BPNT2: variants seen among roughly 807,000 people sequenced by gnomAD.
The protein encoded by BPNT2 is Golgi-resident adenosine 3',5'-bisphosphate 3'-phosphatase.
Under a neutral mutation model 29.3 loss-of-function variants are expected in BPNT2, and 11 were observed. That is an observed-to-expected ratio of 0.38 (90% confidence interval 0.24 to 0.62). The LOEUF (loss-of-function observed/expected upper bound fraction) is 0.62, where lower values mean the gene tolerates loss of function less well. BPNT2 is among the 20% of genes least tolerant of loss of function. BPNT2 has a pLI of 0.62. For synonymous variants in BPNT2, 195 were observed against 187.7 expected, an observed-to-expected ratio of 1.04 and a Z score of -0.32; for missense variants, 459 against 473.4, an observed-to-expected ratio of 0.97 and a Z score of 0.28.
chr8:56,967,335 A>G, intron 3 of BPNT2: 1 of 437,396 alleles, frequency 2.3e-6, no homozygotes, highest in Non-Finnish European at 4.6e-6. Flanking sequence ...CACAGCAACA[A>G]GAAGAACAAA....
intron 3 of BPNT2, among the ~76,000 whole-genome samples, chr8:56,976,091 T>C (rs1417087735): frequency 6.6e-6 from 1 of 152,154 alleles, no homozygotes; most frequent in Non-Finnish European, 1.5e-5. Flanking sequence ...AGCAATGGGA[T>C]GTGAGGTGAA....
chr8:56,966,352 G>T lies in BPNT2; in HGVS notation c.647C>A (p.Ala216Asp). The T allele has an allele frequency of 6.2e-7, 1 of 1,613,180 alleles. No individual in the cohort carries two copies. Among genetic ancestry groups the T allele is most frequent in the Non-Finnish European group, 8.5e-7 (1 of 1,179,220 alleles). ...VIHKPFSEYTAWAMVDGGSNV... is the reference protein window; with the variant it reads ...VIHKPFSEYTDWAMVDGGSNV... ...TGAACCACCATCTACCATTGCCCAA[G>T]CTGAAAAGCAAATATAATATCCATT... is the stretch of plus-strand genomic sequence containing the variant. The change falls in exon 4 of 5, where the codon GCT (alanine) becomes GAT (aspartate). Residue 216 changes from alanine to aspartate, a missense_variant and splice_region_variant. Transcript: ENST00000262644.
At chr8:56,967,597 G>C (rs893196263) in intron 3 of BPNT2, among the ~76,000 whole-genome samples, 2 of 152,066 alleles carry the variant, frequency 1.3e-5, no homozygotes, top group Non-Finnish European at 2.9e-5. Context: ...ATCTAAAATG[G>C]GAAGTATTGA....
intron 3 of BPNT2, among the ~76,000 whole-genome samples, chr8:56,973,638 A>T (rs1806073085): frequency 6.6e-6 from 1 of 152,212 alleles, no homozygotes; most frequent in South Asian, 2.1e-4. Flanking sequence ...ACCACACCAG[A>T]GGATTAACAG....
chr8:56,963,671 A>T lies in BPNT2; in HGVS notation c.*122T>A. ...GAAAATAAGTCTCTGATGCTTCATA[A>T]ATACTTTAAAAAGTTCGGGATGGCC... is the stretch of plus-strand genomic sequence containing the variant. On this transcript the variant is annotated 3_prime_UTR_variant, in exon 5 of 5. Coordinates refer to ENST00000262644, the MANE Select transcript of BPNT2 (RefSeq NM_017813.5). The T allele has an allele frequency of 9.1e-7, 1 of 1,098,250 alleles. No individual in the cohort carries two copies. Among genetic ancestry groups the T allele is most frequent in the Non-Finnish European group, 1.4e-6 (1 of 731,820 alleles). The allele number at this position is 1,098,250 out of a possible 1,614,324, so 68.0% of individuals were successfully genotyped here. A position where few individuals can be genotyped will look rare whatever the true frequency, so the allele number is the denominator to read the frequency against.
At chr8:56,982,160 T>C (rs1477291368) in intron 1 of BPNT2, among the ~76,000 whole-genome samples, 2 of 151,432 alleles carry the variant, frequency 1.3e-5, no homozygotes, top group Non-Finnish European at 2.9e-5. Flanking sequence ...AGTCTCGCTC[T>C]GTCACCAGGT....
rs373619609 is a variant in BPNT2 at position 56,963,959 on chromosome 8, T to A, written c.914A>T (p.Asn305Ile). ...YIKKWDICAG[N>I]AILKALGGHM... ...CCCCCCTAGGGCTTTTAAGATGGCA[T>A]TACCAGCACATATATCCCACTTTTT... Residue 305 changes from asparagine (N) to isoleucine (I), a missense_variant, in exon 5 of 5, where the codon AAT becomes ATT. Physicochemically the swap from Asn to Ile is moderately radical, Grantham distance 149. Coordinates refer to ENST00000262644, the MANE Select transcript of BPNT2 (RefSeq NM_017813.5). 1.4e-5 allele frequency: 23 copies of A among 1,613,916 alleles called. No homozygotes were observed. The highest frequency in any genetic ancestry group is 2.7e-5 in the African/African-American group (2 of 74,908).
chr8:56,971,580 T>C (rs1465600549), intron 3 of BPNT2, among the ~76,000 whole-genome samples: 4 of 152,300 alleles, frequency 2.6e-5, no homozygotes, highest in East Asian at 3.9e-4. Flanking sequence ...GCATAAAATA[T>C]GTTGGAACTA....
chr8:56,989,218 A>T (rs1356853518), intron 1 of BPNT2, among the ~76,000 whole-genome samples: 1 of 152,054 alleles, frequency 6.6e-6, no homozygotes, highest in East Asian at 1.9e-4. Flanking sequence ...CTAAAAATAC[A>T]AAAAATTAGC....
chr8:56,977,576 C>T (rs1806162170), intron 3 of BPNT2, among the ~76,000 whole-genome samples: 1 of 152,142 alleles, frequency 6.6e-6, no homozygotes, highest in Admixed American at 6.6e-5. Context: ...CATCCTCACT[C>T]CCAGCACCTT....
rs1456942228 is a variant in BPNT2 at position 56,961,470 on chromosome 8, T to C, written c.*2323A>G. 1.3e-5 allele frequency: 2 copies of C among 151,704 alleles called. No homozygotes were observed. Among genetic ancestry groups the C allele is most frequent in the African/African-American group, 4.8e-5 (2 of 41,402 alleles). The allele number at this position is 151,704 out of a possible 1,614,324, so 9.4% of individuals were successfully genotyped here. A position where few individuals can be genotyped will look rare whatever the true frequency, so the allele number is the denominator to read the frequency against. ...TAGTAACTAGACTATACCCAACATA[T>C]TATAAAAATAATGTATTTAACTCTC... is the stretch of plus-strand genomic sequence containing the variant. On this transcript the variant is annotated 3_prime_UTR_variant, in exon 5 of 5. Transcript: ENST00000262644.
At chr8:56,968,149 C>G (rs575930001) in intron 3 of BPNT2, among the ~76,000 whole-genome samples, 2 of 151,620 alleles carry the variant, frequency 1.3e-5, no homozygotes, top group Non-Finnish European at 2.9e-5. Context: ...CCATGAAACA[C>G]AAGATCAACA....
chr8:56,972,430 T>G (rs1349211053), intron 3 of BPNT2, among the ~76,000 whole-genome samples: 2 of 151,178 alleles, frequency 1.3e-5, no homozygotes, highest in African/African-American at 4.9e-5. Context: ...AGAATAATTG[T>G]GGGAAAAAAA....
intron 4 of BPNT2, among the ~76,000 whole-genome samples, chr8:56,965,469 C>T (rs747887008): frequency 1.3e-5 from 2 of 152,190 alleles, no homozygotes; most frequent in African/African-American, 4.8e-5. Flanking sequence ...AGACAGTACT[C>T]ATAACAGGAG....
chr8:56,966,429 G>A, intron 3 of BPNT2, 77 bp from the exon 4 acceptor site: 1 of 1,247,256 alleles, frequency 8.0e-7, no homozygotes. Flanking sequence ...AACCCAAAGT[G>A]CTATGTATGA....
Position 56,977,943 on chromosome 8 carries a change from T to C in BPNT2, c.646+107A>G. On this transcript the variant is annotated intron_variant, in intron 3 of 4. Coordinates refer to ENST00000262644, the MANE Select transcript of BPNT2 (RefSeq NM_017813.5). ...TTGTGTTTTTTTCTTACAGCAGCCC[T>C]AGGAAACTAATATAGGAGTGGATAC... is the stretch of plus-strand genomic sequence containing the variant. 3 of 793,304 alleles carry C rather than the reference T, an allele frequency of 3.8e-6. 1 individual carries two copies. 49.1% of individuals were successfully genotyped at this position (793,304 alleles called of 1,614,324 possible). A position where few individuals can be genotyped will look rare whatever the true frequency, so the allele number is the denominator to read the frequency against.
chr8:56,967,207 G>T (rs569720777), intron 3 of BPNT2: 1 of 456,298 alleles, frequency 2.2e-6, no homozygotes, highest in Admixed American at 2.3e-5. Flanking sequence ...TGCATCACCA[G>T]CTTATTTCTG....
Position 56,977,888 on chromosome 8 carries a change from A to G in BPNT2, c.646+162T>C, listed in dbSNP as rs117621611. Among the ~76,000 whole-genome samples, 254 of 152,318 alleles carry G rather than the reference A, an allele frequency of 1.7e-3. 4 individuals carry two copies. The highest frequency in any genetic ancestry group is 3.1e-3 in the Non-Finnish European group (212 of 68,008). On this transcript the variant is annotated intron_variant, in intron 3 of 4. Coordinates refer to ENST00000262644, the MANE Select transcript of BPNT2 (RefSeq NM_017813.5). ...TTTCTAGGCTCCAGAACTGTCAGACACTACATTTTTGTTGTTTAAGACACA... is the reference window on the plus strand; with the variant it reads ...TTTCTAGGCTCCAGAACTGTCAGACGCTACATTTTTGTTGTTTAAGACACA...
At chr8:56,966,052 C>T (rs1805942553) in intron 4 of BPNT2, 139 bp downstream of exon 4, 3 of 898,282 alleles carry the variant, frequency 3.3e-6, no homozygotes, top group Non-Finnish European at 5.4e-6. Flanking sequence ...GGTTACCAAA[C>T]AGGAGACCAA....
Sources: allele counts gnomAD v4.1 joint callset (sites outside exome capture counted in the v4.1 genomes callset), GRCh38; gene constraint gnomAD v4.1.1; transcripts MANE v1.5; gene names NCBI Gene and HGNC (gene_info 2026-07-23, HGNC 2026-07-21).